The following TPX2 variants were observed in gnomAD, a reference collection of about 807,000 sequenced individuals.
TPX2 encodes the protein TPX2 microtubule nucleation factor.
TPX2 carries 21 observed loss-of-function variants against 93.6 expected under a neutral mutation model. That is an observed-to-expected ratio of 0.22 (90% CI 0.16 to 0.32). The LOEUF (loss-of-function observed/expected upper bound fraction) is 0.32. TPX2 is among the 10% of genes least tolerant of loss of function. The probability of loss-of-function intolerance (pLI) is 1.00; values close to 1 mark genes in which losing one functional copy is unlikely to be tolerated. For synonymous variants in TPX2, 281 were observed against 298.3 expected, an observed-to-expected ratio of 0.94 and a Z score of 0.60; for missense variants, 776 against 871.1, an observed-to-expected ratio of 0.89 and a Z score of 1.37.
chr20:31,755,043 C>T (rs188943791), intron 2 of TPX2, among the ~76,000 whole-genome samples: 7 of 152,236 alleles, frequency 4.6e-5, no homozygotes, highest in East Asian at 1.9e-4. Flanking sequence ...CCGCTGCCTG[C>T]GTTCAAGGGA....
At chr20:31,785,346 G>A (rs923706204) in intron 12 of TPX2, among the ~76,000 whole-genome samples, 1 of 152,130 alleles carries the variant, frequency 6.6e-6, no homozygotes, top group Admixed American at 6.6e-5. Context: ...ATACAACAAG[G>A]GAAAAGTAGG....
chr20:31,741,623 C>T (rs574637397), intron 1 of TPX2, among the ~76,000 whole-genome samples: 4 of 151,468 alleles, frequency 2.6e-5, no homozygotes, highest in Non-Finnish European at 5.9e-5. Context: ...GGACTACAGG[C>T]GCATGCCACC....
At chr20:31,795,815 T>C (rs2062135157) in intron 15 of TPX2, among the ~76,000 whole-genome samples, 1 of 152,258 alleles carries the variant, frequency 6.6e-6, no homozygotes, top group African/African-American at 2.4e-5. Context: ...CTGATTTAAT[T>C]GGGATCTAAT....
chr20:31,793,783 TC>T, intron 13 of TPX2, 64 bp from the exon 14 acceptor site: 1 of 1,439,648 alleles, frequency 6.9e-7, no homozygotes, highest in Non-Finnish European at 9.3e-7. Context: ...GTCTTCTGAC[TC>T]CACATTCTGG....
intron 17 of TPX2, among the ~76,000 whole-genome samples, chr20:31,799,489 A>G (rs1489383615): frequency 6.6e-6 from 1 of 152,230 alleles, no homozygotes; most frequent in South Asian, 2.1e-4. Context: ...TACAATGTTA[A>G]TTAGCATCTT....
intron 2 of TPX2, among the ~76,000 whole-genome samples, chr20:31,744,159 C>G (rs951241293): frequency 2.7e-5 from 3 of 112,270 alleles, no homozygotes; most frequent in African/African-American, 1.1e-4. Flanking sequence ...ATTTTTTTAA[C>G]TTTTTTTTTT....
At position 31,777,538 on chromosome 20, in the gene TPX2, A is replaced by G; in HGVS notation, c.782A>G (p.His261Arg). 1.2e-6 allele frequency: 2 copies of G among 1,614,114 alleles called. No individual in the cohort carries two copies. Among genetic ancestry groups the G allele is most frequent in the East Asian group, 2.2e-5 (1 of 44,886 alleles). ...VSQVTKSVDF[H>R]FRTDERIKQH... is the part of the protein sequence containing the mutation. Reference sequence around the variant, plus strand: ...CAGGTCACCAAATCAGTTGACTTCCACTTCCGCACAGATGAGCGAATCAAA... The same window carrying G: ...CAGGTCACCAAATCAGTTGACTTCCGCTTCCGCACAGATGAGCGAATCAAA... The change falls in exon 9 of 18, where the codon CAC becomes CGC. Residue 261 changes from histidine to arginine, a missense_variant. Physicochemically the swap from His to Arg is conservative, Grantham distance 29 (BLOSUM62 0). This residue lies in a region of TPX2 where 279 missense variants were observed against 261.6 expected (regional missense o/e 1.07). Transcript: ENST00000300403.
intron 6 of TPX2, 126 bp from the exon 7 acceptor site, chr20:31,771,433 TG>T: frequency 8.3e-7 from 1 of 1,202,556 alleles, no homozygotes; most frequent in Non-Finnish European, 1.1e-6. Context: ...AAGAATCATG[TG>T]GTCGAAGCAT....
intron 12 of TPX2, among the ~76,000 whole-genome samples, chr20:31,785,999 A>G (rs2062063659): frequency 1.3e-5 from 2 of 152,244 alleles, no homozygotes; most frequent in Admixed American, 1.3e-4. Flanking sequence ...ATGGAAAACC[A>G]GTACCTTTTG....
chr20:31,788,947 G>GA (rs1278843179), intron 12 of TPX2, among the ~76,000 whole-genome samples: 1 of 152,162 alleles, frequency 6.6e-6, no homozygotes, highest in African/African-American at 2.4e-5. Context: ...ACAGGCCTGA[G>GA]ATCCTGTCCC....
At chr20:31,797,580 A>C (rs2062146351) in intron 16 of TPX2, 65 bp downstream of exon 16, 1 of 1,399,650 alleles carries the variant, frequency 7.1e-7, no homozygotes, top group Non-Finnish European at 1.0e-6. Context: ...GGGATGCTGG[A>C]ATTCAGTGTG....
intron 6 of TPX2, 41 bp downstream of exon 6, chr20:31,770,512 T>G: frequency 6.7e-7 from 1 of 1,495,542 alleles, no homozygotes; most frequent in Non-Finnish European, 8.9e-7. Flanking sequence ...GCAGACATAT[T>G]GTACCTTGTA....
At position 31,770,941 on chromosome 20, in the gene TPX2, C is replaced by G. The variant is rs374393978; in HGVS notation, c.485+470C>G. ...CGTACTTGTTCTTCAAGATGCTGCT[C>G]TGTGTTTCTTAGATTTTTTCTTTTG... is the stretch of plus-strand genomic sequence containing the variant. On this transcript the variant is annotated intron_variant, in intron 6 of 17. Transcript: ENST00000300403. Among the ~76,000 whole-genome samples the G allele has an allele frequency of 2.2e-5, 3 of 136,542 alleles. No homozygotes were observed. In the South Asian group the frequency reaches 7.0e-4, roughly 32 times the overall value. 89.6% of individuals were successfully genotyped at this position (136,542 alleles called of 152,430 possible). A position where few individuals can be genotyped will look rare whatever the true frequency, so the allele number is the denominator to read the frequency against.
At chr20:31,764,961 T>G (rs2061915305) in intron 4 of TPX2, among the ~76,000 whole-genome samples, 1 of 119,516 alleles carries the variant, frequency 8.4e-6, no homozygotes, top group African/African-American at 3.4e-5. Flanking sequence ...TTTGTTTTTG[T>G]TTTTTTTTTT....
intron 13 of TPX2, 90 bp from the exon 14 acceptor site, chr20:31,793,758 A>G: frequency 8.2e-7 from 1 of 1,224,206 alleles, no homozygotes; most frequent in Non-Finnish European, 1.1e-6. Flanking sequence ...AATTAATGCC[A>G]CATATTAATA....
At chr20:31,770,866 C>T (rs569650449) in intron 6 of TPX2, among the ~76,000 whole-genome samples, 1 of 148,178 alleles carries the variant, frequency 6.7e-6, no homozygotes, top group African/African-American at 2.5e-5. Flanking sequence ...AAGTAGTTTG[C>T]TGCTGGCTTT....
In TPX2 at chr20:31,798,286, G is replaced by A; in HGVS notation, c.1946-79G>A. 1.9e-6 allele frequency: 3 copies of A among 1,561,084 alleles called. 1 individual carries two copies. Among genetic ancestry groups the A allele is most frequent in the South Asian group, 2.2e-5 (2 of 89,280 alleles). ...TCTTCCTGTTAGTGTGCATGTCTGT[G>A]CCACTTGCTCATTCCAGGGGGCGTA... On this transcript the variant is annotated intron_variant, in intron 16 of 17. Coordinates refer to ENST00000300403, the MANE Select transcript of TPX2 (RefSeq NM_012112.5).
chr20:31,741,093 C>G (rs1412287051), intron 1 of TPX2, among the ~76,000 whole-genome samples: 3 of 152,018 alleles, frequency 2.0e-5, no homozygotes, highest in Non-Finnish European at 4.4e-5. Context: ...TGAGAGAGTC[C>G]TTCATTTCAT....
At position 31,760,111 on chromosome 20, in the gene TPX2, T is replaced by C. The variant is rs774179380; in HGVS notation, c.161T>C (p.Leu54Pro). 1 of 1,613,604 alleles carries C rather than the reference T, an allele frequency of 6.2e-7. No individual in the cohort carries two copies. Among genetic ancestry groups the C allele is most frequent in the South Asian group, 1.1e-5 (1 of 91,038 alleles). Residue 54 changes from leucine (L) to proline (P), a missense_variant, in exon 4 of 18, where the codon CTT becomes CCT. Physicochemically the swap from Leu to Pro is moderately conservative, Grantham distance 98. This residue lies in a region of TPX2 where 279 missense variants were observed against 261.6 expected (regional missense o/e 1.07). Coordinates refer to ENST00000300403, the MANE Select transcript of TPX2 (RefSeq NM_012112.5). ...KLLGKNGTGG[L>P]FQGKTPLRKA... The stretch of plus-strand genomic sequence containing the variant: ...CTGGGGAAGAATGGAACTGGAGGGC[T>C]TTTTCAGGGCAAAACTCCTTTGAGA...
Sources: gnomAD v4.1 joint callset for allele counts (sites outside exome capture counted in the v4.1 genomes callset) on GRCh38, gnomAD v4.1.1 for gene constraint, gnomAD v4.1.1 regional missense constraint, MANE v1.5 for transcripts, NCBI Gene and HGNC (gene_info 2026-07-23, HGNC 2026-07-21) for gene names.